ADD3: variants seen among roughly 807,000 people sequenced by gnomAD.
The protein encoded by ADD3 is gamma-adducin.
Under a neutral mutation model 80.2 loss-of-function variants are expected in ADD3, and 25 were observed. The observed-to-expected ratio is 0.31, with a 90% confidence interval of 0.23 to 0.44. The LOEUF is 0.44. Ranked by LOEUF, ADD3 falls within the 20% of genes least tolerant of loss-of-function variation. The probability of loss-of-function intolerance (pLI) is 1.00; values close to 1 mark genes in which losing one functional copy is unlikely to be tolerated. For synonymous variants in ADD3, 284 were observed against 289.6 expected, an observed-to-expected ratio of 0.98 and a Z score of 0.20; for missense variants, 829 against 847.5, an observed-to-expected ratio of 0.98 and a Z score of 0.27.
At chr10:110,045,899 C>G (rs7070869) in intron 1 of ADD3, among the ~76,000 whole-genome samples, 150,332 of 152,296 alleles carry the variant, frequency 0.99, 74,223 homozygotes, top group East Asian at 1. Flanking sequence ...AGTGTTAGGA[C>G]TATTTACTTA....
chr10:110,015,537 G>A (rs959808969), intron 1 of ADD3, among the ~76,000 whole-genome samples: 4 of 151,864 alleles, frequency 2.6e-5, no homozygotes, highest in East Asian at 3.9e-4. Flanking sequence ...CACCATGCTC[G>A]GCTAATTTTT....
At chr10:110,013,666 G>A (rs927116525) in intron 1 of ADD3, among the ~76,000 whole-genome samples, 2 of 152,296 alleles carry the variant, frequency 1.3e-5, no homozygotes, top group South Asian at 2.1e-4. Flanking sequence ...TAATATACAC[G>A]AAATTATTTT....
At chr10:110,072,696 G>GC (rs1844877982) in intron 1 of ADD3, among the ~76,000 whole-genome samples, 1 of 152,184 alleles carries the variant, frequency 6.6e-6, no homozygotes, top group African/African-American at 2.4e-5. Flanking sequence ...ATTATCTTCT[G>GC]AAGCATGAAC....
At chr10:110,012,127 C>T (rs1852409741) in intron 1 of ADD3, among the ~76,000 whole-genome samples, 1 of 152,180 alleles carries the variant, frequency 6.6e-6, no homozygotes, top group African/African-American at 2.4e-5. Context: ...TTGAGGGATT[C>T]TCTTCCTTTT....
intron 2 of ADD3, among the ~76,000 whole-genome samples, chr10:110,110,569 A>G (rs539977684): frequency 1.3e-5 from 2 of 152,336 alleles, no homozygotes; most frequent in Non-Finnish European, 2.9e-5. Context: ...TAGAGTTCAC[A>G]TCATGGAAAC....
At chr10:110,084,401 A>G (rs1340479576) in intron 1 of ADD3, among the ~76,000 whole-genome samples, 1 of 152,236 alleles carries the variant, frequency 6.6e-6, no homozygotes, top group Non-Finnish European at 1.5e-5. Context: ...AATGTACAGT[A>G]GCACCTGAAA....
chr10:110,019,054 A>G (rs1400406847), intron 1 of ADD3, among the ~76,000 whole-genome samples: 1 of 152,196 alleles, frequency 6.6e-6, no homozygotes, highest in Non-Finnish European at 1.5e-5. Flanking sequence ...GAGATGTACG[A>G]TTTTAAAAAT....
intron 1 of ADD3, among the ~76,000 whole-genome samples, chr10:110,009,484 G>A (rs1242134583): frequency 6.6e-6 from 1 of 152,106 alleles, no homozygotes; most frequent in Non-Finnish European, 1.5e-5. Flanking sequence ...ATACTTGACT[G>A]TTAAAAATAT....
At position 110,133,404 on chromosome 10, in the gene ADD3, A is replaced by G; in HGVS notation, c.1907A>G (p.His636Arg). ...GTAGTAAATGGCAAGGATGATATGCATGATGTTGAAGATGAGCTTGCTAAG... is the reference window on the plus strand; with the variant it reads ...GTAGTAAATGGCAAGGATGATATGCGTGATGTTGAAGATGAGCTTGCTAAG... ...VMVVNGKDDM[H>R]DVEDELAKRV... The change falls in exon 15 of 15, where the codon CAT (histidine) becomes CGT (arginine). Residue 636 changes from histidine (H) to arginine (R), a missense_variant. His to Arg is a conservative substitution (Grantham distance 29). Coordinates refer to ENST00000356080, the MANE Select transcript of ADD3 (RefSeq NM_016824.5). 6.2e-7 allele frequency: 1 copy of G among 1,613,554 alleles called. No individual in the cohort carries two copies. The highest frequency in any genetic ancestry group is 8.5e-7 in the Non-Finnish European group (1 of 1,179,526).
At chr10:110,021,496 A>G (rs1384396899) in intron 1 of ADD3, among the ~76,000 whole-genome samples, 1 of 152,226 alleles carries the variant, frequency 6.6e-6, no homozygotes, top group East Asian at 1.9e-4. Context: ...GGATAAACAA[A>G]TGCGGTATCC....
chr10:110,075,131 G>A (rs1845237281), intron 1 of ADD3, among the ~76,000 whole-genome samples: 2 of 152,186 alleles, frequency 1.3e-5, no homozygotes, highest in African/African-American at 4.8e-5. Context: ...GTAGTCCAGA[G>A]TATTGGCTGG....
chr10:110,130,598 G>A, intron 13 of ADD3, 112 bp downstream of exon 13: 3 of 1,214,422 alleles, frequency 2.5e-6, no homozygotes, highest in Non-Finnish European at 3.5e-6. Context: ...GCTCACACCT[G>A]TAATCCCAGC....
At chr10:110,065,539 C>T (rs28514899) in intron 1 of ADD3, among the ~76,000 whole-genome samples, 1,292 of 31,190 alleles carry the variant, frequency 0.041, 51 homozygotes, top group African/African-American at 0.091. Context: ...TCTCTCTCCC[C>T]TTTTTTTTTT....
intron 1 of ADD3, among the ~76,000 whole-genome samples, chr10:110,009,002 G>C (rs760491363): frequency 1.3e-5 from 2 of 152,120 alleles, no homozygotes; most frequent in Non-Finnish European, 2.9e-5. Context: ...TATAGCTTAG[G>C]CAAGACCACA....
intron 8 of ADD3, among the ~76,000 whole-genome samples, chr10:110,121,448 A>G (rs1163252543): frequency 6.6e-6 from 1 of 152,160 alleles, no homozygotes; most frequent in African/African-American, 2.4e-5. Flanking sequence ...GTGCCATTGC[A>G]CTCCAGCCTG....
chr10:110,053,651 T>C lies in ADD3; in HGVS notation c.-30+45352T>C, dbSNP rs564608177. 1.4e-4 allele frequency among the ~76,000 whole-genome samples: 21 copies of C among 152,318 alleles called. No homozygotes were observed. In the East Asian group the frequency reaches 2.5e-3, roughly 18 times the overall value. ...TGGAACCTTTACTAACCATCAGTAGTCTTAATTTTCACTGTGAAGTTAATG... is the reference window on the plus strand; with the variant it reads ...TGGAACCTTTACTAACCATCAGTAGCCTTAATTTTCACTGTGAAGTTAATG... On this transcript the variant is annotated intron_variant, in intron 1 of 14. Transcript: ENST00000356080.
chr10:110,121,861 TTAAGAGG>T (rs1851540781), intron 8 of ADD3: 1 of 320,814 alleles, frequency 3.1e-6, no homozygotes, highest in African/African-American at 2.1e-5. Context: ...TTAAAATATG[TTAAGAGG>T]TATGGCTCTA....
upstream of ADD3, among the ~76,000 whole-genome samples, chr10:110,002,564 G>A (rs116608531): frequency 8.9e-3 from 1,360 of 152,172 alleles, 20 homozygotes; most frequent in African/African-American, 0.03. Context: ...ATGAGCCACC[G>A]TGCCTGGCTG....
intron 1 of ADD3, among the ~76,000 whole-genome samples, chr10:110,076,633 A>G (rs1845404648): frequency 1.3e-5 from 2 of 152,218 alleles, no homozygotes. Flanking sequence ...GTAATGTTTT[A>G]GAATGAGCAA....
Sources: allele counts gnomAD v4.1 joint callset (sites outside exome capture counted in the v4.1 genomes callset), GRCh38; gene constraint gnomAD v4.1.1; transcripts MANE v1.5; gene names NCBI Gene and HGNC (gene_info 2026-07-23, HGNC 2026-07-21).